Variants in NTRK3 observed in about 807,000 individuals in gnomAD.
NTRK3 encodes the protein NT-3 growth factor receptor.
In NTRK3, 24 loss-of-function variants were observed where a neutral mutation model predicts 91.7. The observed-to-expected ratio is 0.26, with a 90% CI of 0.19 to 0.37. NTRK3 has a LOEUF of 0.37. Ranked by LOEUF, NTRK3 falls within the 10% of genes least tolerant of loss-of-function variation. NTRK3 has a pLI of 1.00. For missense variants in NTRK3, 880 were observed against 1,068.9 expected (o/e 0.82, Z 2.46); for synonymous variants, 483 against 404.0 (o/e 1.20, Z -2.34).
At chr15:88,057,979 G>A (rs1004529696) in intron 13 of NTRK3, among the ~76,000 whole-genome samples, 6 of 152,210 alleles carry the variant, frequency 3.9e-5, no homozygotes, top group Admixed American at 2.0e-4. Context: ...GGAAAAGGGC[G>A]GGCCAGGGAC....
chr15:88,035,037 A>G (rs1479688273), intron 13 of NTRK3, among the ~76,000 whole-genome samples: 1 of 152,232 alleles, frequency 6.6e-6, no homozygotes. Flanking sequence ...ATATCTGTGC[A>G]CAAAGAGAAA....
intron 13 of NTRK3, among the ~76,000 whole-genome samples, chr15:88,033,285 T>C (rs2078764150): frequency 6.9e-6 from 1 of 145,728 alleles, no homozygotes; most frequent in Non-Finnish European, 1.5e-5. Flanking sequence ...TGGCTTACAA[T>C]TTTTTTTCCA....
At chr15:87,918,549 C>T (rs75135531) in intron 17 of NTRK3, among the ~76,000 whole-genome samples, 2,846 of 152,310 alleles carry the variant, frequency 0.019, 80 homozygotes, top group African/African-American at 0.058. Context: ...TGCCAACCAA[C>T]CCCTCAAGAC....
intron 14 of NTRK3, among the ~76,000 whole-genome samples, chr15:88,010,940 C>T (rs1251392207): frequency 6.6e-6 from 1 of 152,118 alleles, no homozygotes; most frequent in Non-Finnish European, 1.5e-5. Context: ...TGAATGACTT[C>T]CCAAAATGCA....
chr15:88,156,156 TTA>T (rs763729337), intron 5 of NTRK3, among the ~76,000 whole-genome samples: 3 of 152,192 alleles, frequency 2.0e-5, no homozygotes, highest in Non-Finnish European at 4.4e-5. Context: ...ATAGTTTGTT[TTA>T]TGAGAAGGAA....
At chr15:87,917,816 T>C (rs2067554623) in intron 17 of NTRK3, among the ~76,000 whole-genome samples, 1 of 152,160 alleles carries the variant, frequency 6.6e-6, no homozygotes, top group African/African-American at 2.4e-5. Context: ...TTGCCATGAT[T>C]GGAAGCTTCC....
intron 14 of NTRK3, among the ~76,000 whole-genome samples, chr15:88,019,746 C>T (rs1406716699): frequency 3.3e-5 from 5 of 152,132 alleles, no homozygotes; most frequent in African/African-American, 9.7e-5. Context: ...TACAGAAAGG[C>T]AGAGGCAGGA....
chr15:88,023,295 T>C (rs997560022), intron 14 of NTRK3, among the ~76,000 whole-genome samples: 2 of 152,294 alleles, frequency 1.3e-5, no homozygotes, highest in Admixed American at 6.5e-5. Flanking sequence ...AGAATACTAG[T>C]AATGTCTTCA....
At chr15:88,069,380 G>A (rs915314837) in intron 13 of NTRK3, among the ~76,000 whole-genome samples, 53 of 152,202 alleles carry the variant, frequency 3.5e-4, no homozygotes, top group African/African-American at 1.2e-3. Flanking sequence ...TTTTTCCAGA[G>A]TAGGGAAAGA....
At chr15:88,226,616 C>T (rs956649617) in intron 3 of NTRK3, among the ~76,000 whole-genome samples, 5 of 152,370 alleles carry the variant, frequency 3.3e-5, no homozygotes, top group African/African-American at 9.6e-5. Flanking sequence ...TCCATCCTGA[C>T]ATACCAGGGG....
chr15:88,067,380 T>A (rs1010488579), intron 13 of NTRK3, among the ~76,000 whole-genome samples: 1 of 152,258 alleles, frequency 6.6e-6, no homozygotes, highest in African/African-American at 2.4e-5. Context: ...ATATCTACCA[T>A]CCCTCCTGGA....
At chr15:88,138,421 A>G (rs557330528) in intron 6 of NTRK3, among the ~76,000 whole-genome samples, 9 of 152,204 alleles carry the variant, frequency 5.9e-5, no homozygotes, top group Non-Finnish European at 1.3e-4. Flanking sequence ...AGAAAAAAGA[A>G]AAAAGAGAGA....
chr15:88,124,400 A>G (rs2053063671), intron 13 of NTRK3, among the ~76,000 whole-genome samples: 1 of 152,184 alleles, frequency 6.6e-6, no homozygotes, highest in Non-Finnish European at 1.5e-5. Flanking sequence ...ACATGGGGAC[A>G]TGCTGTTCCA....
intron 13 of NTRK3, among the ~76,000 whole-genome samples, chr15:88,095,147 TTG>T (rs1196358960): frequency 6.6e-6 from 1 of 152,186 alleles, no homozygotes; most frequent in Non-Finnish European, 1.5e-5. Context: ...TGAGAACAGC[TTG>T]TGTTCTCTAG....
chr15:88,225,576 G>A (rs911103574), intron 3 of NTRK3, among the ~76,000 whole-genome samples: 3 of 152,158 alleles, frequency 2.0e-5, no homozygotes, highest in Non-Finnish European at 2.9e-5. Context: ...ACAGGGCAGG[G>A]CTGCAGGGCG....
intron 14 of NTRK3, among the ~76,000 whole-genome samples, chr15:87,969,769 ATTTG>A: frequency 6.6e-6 from 1 of 152,238 alleles, no homozygotes; most frequent in South Asian, 2.1e-4. Flanking sequence ...ATTTCAGACT[ATTTG>A]TTAGGCAGAG....
chr15:87,924,052 C>T (rs1456299470), intron 17 of NTRK3, among the ~76,000 whole-genome samples: 1 of 152,092 alleles, frequency 6.6e-6, no homozygotes, highest in Non-Finnish European at 1.5e-5. Flanking sequence ...CAGACTAAGA[C>T]AATAATTAAT....
chr15:88,148,574 G>A (rs2043092630), intron 5 of NTRK3, among the ~76,000 whole-genome samples: 1 of 152,162 alleles, frequency 6.6e-6, no homozygotes, highest in Non-Finnish European at 1.5e-5. Context: ...AGATCCAGAG[G>A]ACCAGGAAGG....
chr15:88,178,655 C>A lies in NTRK3; in HGVS notation c.395+4763G>T, dbSNP rs575459056. ...ATCAACTCTAGGGATTAAATAAATTCTCTTGGCTTGCTGGAATCTTACATT... is the reference window on the plus strand; with the variant it reads ...ATCAACTCTAGGGATTAAATAAATTATCTTGGCTTGCTGGAATCTTACATT... On this transcript the variant is annotated intron_variant, in intron 5 of 18. Transcript: ENST00000394480. 4.6e-5 allele frequency among the ~76,000 whole-genome samples: 7 copies of A among 152,354 alleles called. No individual in the cohort carries two copies. The South Asian group carries it at 1.4e-3, about 32-fold the overall frequency.
Sources: gnomAD v4.1 joint callset for allele counts (sites outside exome capture counted in the v4.1 genomes callset) on GRCh38, gnomAD v4.1.1 for gene constraint, MANE v1.5 for transcripts, NCBI Gene and HGNC (gene_info 2026-07-23, HGNC 2026-07-21) for gene names.